GRM7: variants seen among roughly 807,000 people sequenced by gnomAD.
The protein encoded by GRM7 is glutamate metabotropic receptor 7.
GRM7 carries 35 observed loss-of-function variants against 84.5 expected under a neutral mutation model. That is an observed-to-expected ratio of 0.41 (90% CI 0.32 to 0.55). The LOEUF (loss-of-function observed/expected upper bound fraction) is 0.55. GRM7 is among the 20% of genes least tolerant of loss of function. The pLI is 0.19. For missense variants in GRM7, 1,003 were observed against 1,194.6 expected (o/e 0.84, Z 2.36); for synonymous variants, 487 against 455.1 (o/e 1.07, Z -0.89).
intron 1 of GRM7, among the ~76,000 whole-genome samples, chr3:7,134,411 G>T (rs1693704613): frequency 6.8e-6 from 1 of 147,346 alleles, no homozygotes; most frequent in Non-Finnish European, 1.5e-5. Context: ...ACTGTCGCCT[G>T]GCAAAATCAT....
At chr3:6,969,286 T>C (rs1410576930) in intron 1 of GRM7, among the ~76,000 whole-genome samples, 1 of 152,182 alleles carries the variant, frequency 6.6e-6, no homozygotes, top group African/African-American at 2.4e-5. Flanking sequence ...TTTACACACA[T>C]AAGTTGGTTT....
At chr3:6,879,296 T>C (rs1053728096) in intron 1 of GRM7, among the ~76,000 whole-genome samples, 2 of 152,344 alleles carry the variant, frequency 1.3e-5, no homozygotes, top group South Asian at 2.1e-4. Context: ...ATTGACAAAT[T>C]ATAATTGTAT....
At chr3:7,691,284 C>T in intron 9 of GRM7, 1 of 1,282,328 alleles carries the variant, frequency 7.8e-7, no homozygotes, top group South Asian at 1.3e-5. Context: ...TTGAGCTGAC[C>T]CAACACTTAG....
chr3:7,683,280 G>T (rs996072744), intron 9 of GRM7, among the ~76,000 whole-genome samples: 10 of 152,150 alleles, frequency 6.6e-5, no homozygotes, highest in Non-Finnish European at 1.5e-4. Context: ...TTTAAAAATT[G>T]TATTCCAATG....
rs563979784 is a variant in GRM7 at position 7,301,220 on chromosome 3, C to T, written c.878+2395C>T. Among the ~76,000 whole-genome samples, 4 of 152,224 alleles carry T rather than the reference C, an allele frequency of 2.6e-5. No individual in the cohort carries two copies. In the East Asian group the frequency reaches 7.8e-4, roughly 30 times the overall value. Reference sequence around the variant, plus strand: ...TACGTCTCTTCTTCAAGGTCTGTTTCAAGCATTCCCTTCTCCAGTTCCGGA... The same window carrying T: ...TACGTCTCTTCTTCAAGGTCTGTTTTAAGCATTCCCTTCTCCAGTTCCGGA... On this transcript the variant is annotated intron_variant, in intron 3 of 9. Coordinates refer to ENST00000357716, the MANE Select transcript of GRM7 (RefSeq NM_000844.4).
chr3:7,006,122 G>T (rs543438278), intron 1 of GRM7, among the ~76,000 whole-genome samples: 1 of 152,294 alleles, frequency 6.6e-6, no homozygotes, highest in African/African-American at 2.4e-5. Flanking sequence ...CACGATGTTT[G>T]TTAATCTGAA....
At chr3:7,246,008 T>TA (rs1697745013) in intron 2 of GRM7, among the ~76,000 whole-genome samples, 6 of 152,104 alleles carry the variant, frequency 3.9e-5, no homozygotes, top group Non-Finnish European at 2.9e-5. Flanking sequence ...TAAAATAATG[T>TA]AAATAACTGA....
chr3:6,902,478 T>A (rs867805194), intron 1 of GRM7, among the ~76,000 whole-genome samples: 1 of 152,208 alleles, frequency 6.6e-6, no homozygotes, highest in Middle Eastern at 3.4e-3. Context: ...AAAATTTGAG[T>A]TACAGAAAAT....
intron 8 of GRM7, among the ~76,000 whole-genome samples, chr3:7,615,762 C>T (rs533329574): frequency 6.6e-6 from 1 of 151,960 alleles, no homozygotes; most frequent in South Asian, 2.1e-4. Flanking sequence ...ACTCAAAATA[C>T]CAGGCTTGCC....
chr3:7,410,914 C>A (rs542624572), intron 4 of GRM7, among the ~76,000 whole-genome samples: 1 of 152,090 alleles, frequency 6.6e-6, no homozygotes, highest in African/African-American at 2.4e-5. Context: ...TATTCTCTTA[C>A]GGTTCTGGGG....
At chr3:7,053,174 T>C (rs1373012768) in intron 1 of GRM7, among the ~76,000 whole-genome samples, 2 of 151,240 alleles carry the variant, frequency 1.3e-5, no homozygotes, top group Admixed American at 1.3e-4. Context: ...AATCTTTTCA[T>C]GCACTTATTT....
At chr3:7,711,332 T>C (rs573429877) in intron 9 of GRM7, among the ~76,000 whole-genome samples, 1 of 152,120 alleles carries the variant, frequency 6.6e-6, no homozygotes, top group Non-Finnish European at 1.5e-5. Flanking sequence ...AGTGAAGATA[T>C]GATTCACGTA....
chr3:7,093,377 C>T (rs907273306), intron 1 of GRM7, among the ~76,000 whole-genome samples: 1 of 151,486 alleles, frequency 6.6e-6, no homozygotes, highest in Non-Finnish European at 1.5e-5. Flanking sequence ...TTATACTATT[C>T]CATAAAAGTA....
At chr3:7,494,273 C>G (rs1319220207) in intron 7 of GRM7, among the ~76,000 whole-genome samples, 1 of 152,136 alleles carries the variant, frequency 6.6e-6, no homozygotes, top group East Asian at 1.9e-4. Context: ...CAGTTATCTT[C>G]TTTCAGAACT....
intron 7 of GRM7, among the ~76,000 whole-genome samples, chr3:7,507,764 T>C (rs962569697): frequency 6.6e-6 from 1 of 152,242 alleles, no homozygotes; most frequent in African/African-American, 2.4e-5. Flanking sequence ...TGTATTTTAT[T>C]TCTCTTTTAA....
intron 1 of GRM7, among the ~76,000 whole-genome samples, chr3:7,005,427 A>G (rs1575120789): frequency 1.3e-5 from 2 of 152,338 alleles, no homozygotes; most frequent in South Asian, 4.1e-4. Context: ...ATTTTAACCT[A>G]TAATCCTGGC....
intron 1 of GRM7, among the ~76,000 whole-genome samples, chr3:7,072,726 C>A (rs12631395): frequency 5.5e-4 from 83 of 152,200 alleles, no homozygotes; most frequent in Middle Eastern, 3.4e-3. Flanking sequence ...GGTCTCACTT[C>A]AAGGTACTGA....
At chr3:7,276,796 T>TCCCCCCC (rs1237423928) in intron 2 of GRM7, among the ~76,000 whole-genome samples, 1 of 3,006 alleles carries the variant, frequency 3.3e-4, no homozygotes, top group African/African-American at 1.1e-3. Flanking sequence ...CCTTCCTTCC[T>TCCCCCCC]TCCTTCCTTT....
chr3:7,387,945 T>G (rs1694848646), intron 4 of GRM7, among the ~76,000 whole-genome samples: 1 of 152,164 alleles, frequency 6.6e-6, no homozygotes, highest in Non-Finnish European at 1.5e-5. Context: ...TCCATTTGTT[T>G]GTGTCATCTA....
Sources: gnomAD v4.1 joint callset for allele counts (sites outside exome capture counted in the v4.1 genomes callset) on GRCh38, gnomAD v4.1.1 for gene constraint, MANE v1.5 for transcripts, NCBI Gene and HGNC (gene_info 2026-07-23, HGNC 2026-07-21) for gene names.